The following DSCAM variants were observed in gnomAD, a reference collection of about 807,000 sequenced individuals.
DSCAM encodes the protein DS cell adhesion molecule, also known as cell adhesion molecule DSCAM.
Under a neutral mutation model 217.7 loss-of-function variants are expected in DSCAM, and 47 were observed. That is an observed-to-expected ratio of 0.22 (90% CI 0.17 to 0.28). DSCAM has a LOEUF of 0.28. Ranked by LOEUF, DSCAM falls within the 10% of genes least tolerant of loss-of-function variation. The probability of loss-of-function intolerance (pLI) is 1.00; values close to 1 mark genes in which losing one functional copy is unlikely to be tolerated. For missense variants in DSCAM, 2,080 were observed against 2,618.3 expected (o/e 0.79, Z 4.49); for synonymous variants, 1,056 against 1,015.3 (o/e 1.04, Z -0.76).
chr21:40,362,283 T>A (rs1332942261), intron 4 of DSCAM, among the ~76,000 whole-genome samples: 2 of 152,064 alleles, frequency 1.3e-5, no homozygotes, highest in East Asian at 3.8e-4. Flanking sequence ...ACTTAAAGTA[T>A]AATAATAATA....
intron 1 of DSCAM, among the ~76,000 whole-genome samples, chr21:40,812,181 A>G (rs905600367): frequency 6.6e-6 from 1 of 152,206 alleles, no homozygotes; most frequent in Non-Finnish European, 1.5e-5. Flanking sequence ...AACAGAATTG[A>G]ATCAGAAAAA....
At chr21:40,573,563 C>T (rs1251375549) in intron 3 of DSCAM, among the ~76,000 whole-genome samples, 1 of 151,890 alleles carries the variant, frequency 6.6e-6, no homozygotes, top group Admixed American at 6.6e-5. Flanking sequence ...CTTTAATTCC[C>T]TATTTGAATT....
chr21:40,036,782 A>C (rs1241973932), intron 32 of DSCAM, among the ~76,000 whole-genome samples: 1 of 145,234 alleles, frequency 6.9e-6, no homozygotes, highest in African/African-American at 2.7e-5. Flanking sequence ...ATACTGGCAG[A>C]CCGAATCCAG....
chr21:40,560,675 A>G (rs1221904085), intron 3 of DSCAM, among the ~76,000 whole-genome samples: 7 of 152,342 alleles, frequency 4.6e-5, no homozygotes, highest in Middle Eastern at 3.4e-3. Flanking sequence ...GAACACTCAC[A>G]TTAGCCTACA....
At chr21:40,325,377 G>A (rs1344897402) in intron 8 of DSCAM, among the ~76,000 whole-genome samples, 1 of 152,194 alleles carries the variant, frequency 6.6e-6, no homozygotes, top group African/African-American at 2.4e-5. Flanking sequence ...GAAGCTCAGT[G>A]TGGGTTGAAG....
At chr21:40,090,674 G>A (rs766974136) in intron 21 of DSCAM, among the ~76,000 whole-genome samples, 13 of 151,958 alleles carry the variant, frequency 8.6e-5, no homozygotes, top group African/African-American at 2.2e-4. Context: ...TTGAGAGTCC[G>A]TCCTGCACCT....
At chr21:40,407,784 G>A (rs1040257619) in intron 3 of DSCAM, among the ~76,000 whole-genome samples, 6 of 152,198 alleles carry the variant, frequency 3.9e-5, no homozygotes, top group Admixed American at 2.0e-4. Flanking sequence ...GGGACAAGCT[G>A]CCCTCCAGAA....
At chr21:40,824,773 G>A (rs1285260725) in intron 1 of DSCAM, among the ~76,000 whole-genome samples, 1 of 152,046 alleles carries the variant, frequency 6.6e-6, no homozygotes, top group Admixed American at 6.5e-5. Flanking sequence ...ATAGAATTCT[G>A]TGTCTCTCCC....
intron 32 of DSCAM, among the ~76,000 whole-genome samples, chr21:40,026,990 G>C (rs1015311178): frequency 2.6e-5 from 4 of 152,308 alleles, no homozygotes; most frequent in Admixed American, 6.5e-5. Flanking sequence ...TCTACATTTT[G>C]GCATGATTTT....
intron 3 of DSCAM, among the ~76,000 whole-genome samples, chr21:40,520,152 T>C (rs1321672260): frequency 6.6e-6 from 1 of 152,126 alleles, no homozygotes; most frequent in African/African-American, 2.4e-5. Flanking sequence ...TAGCTTGCAA[T>C]AGTGGAATAA....
At chr21:40,246,470 G>C (rs1255841680) in intron 11 of DSCAM, among the ~76,000 whole-genome samples, 1 of 151,102 alleles carries the variant, frequency 6.6e-6, no homozygotes, top group Non-Finnish European at 1.5e-5. Context: ...GAACCTGGGA[G>C]GTGGAGGCTG....
At chr21:40,722,828 G>GA (rs2090915780) in intron 1 of DSCAM, among the ~76,000 whole-genome samples, 1 of 151,860 alleles carries the variant, frequency 6.6e-6, no homozygotes, top group Non-Finnish European at 1.5e-5. Flanking sequence ...AAAAAAAATA[G>GA]AAAAAATATA....
At chr21:40,574,731 C>T (rs1306219173) in intron 3 of DSCAM, among the ~76,000 whole-genome samples, 4 of 129,518 alleles carry the variant, frequency 3.1e-5, no homozygotes, top group Admixed American at 8.4e-5. Flanking sequence ...TTTTTTGAGA[C>T]GGAGACTTGC....
chr21:40,720,810 C>A (rs916397774), intron 1 of DSCAM, among the ~76,000 whole-genome samples: 4 of 151,990 alleles, frequency 2.6e-5, no homozygotes, highest in Non-Finnish European at 5.9e-5. Context: ...TTAGGGGGAC[C>A]AAGTATGACA....
intron 11 of DSCAM, among the ~76,000 whole-genome samples, chr21:40,259,625 G>A (rs1333401449): frequency 7.9e-6 from 1 of 126,538 alleles, no homozygotes; most frequent in Non-Finnish European, 1.7e-5. Flanking sequence ...TTACTGAATA[G>A]TTCTTAGAGA....
At chr21:40,156,729 T>C (rs905383222) in intron 16 of DSCAM, among the ~76,000 whole-genome samples, 2 of 152,194 alleles carry the variant, frequency 1.3e-5, no homozygotes, top group African/African-American at 4.8e-5. Context: ...GGTAGTGATA[T>C]AGGCAAAGAA....
intron 6 of DSCAM, among the ~76,000 whole-genome samples, chr21:40,344,318 A>C (rs1380428570): frequency 6.6e-6 from 1 of 152,228 alleles, no homozygotes; most frequent in Admixed American, 6.5e-5. Context: ...TTGTTCTTAT[A>C]GATATGTCTC....
intron 3 of DSCAM, among the ~76,000 whole-genome samples, chr21:40,404,991 G>C (rs1439127467): frequency 6.6e-6 from 1 of 152,132 alleles, no homozygotes; most frequent in South Asian, 2.1e-4. Context: ...ATTTGCTTCA[G>C]TACAAAATAT....
In DSCAM at chr21:40,144,441, G is replaced by A; in HGVS notation, c.3259+50C>T. Reference sequence around the variant, plus strand: ...TGGGGGAGCCCCGGGGCAGACCCGAGGGAACCTTTGCGGAGGGAAAAGCCA... The same window carrying A: ...TGGGGGAGCCCCGGGGCAGACCCGAAGGAACCTTTGCGGAGGGAAAAGCCA... On this transcript the variant is annotated intron_variant, in intron 17 of 32. Coordinates refer to ENST00000400454, the MANE Select transcript of DSCAM (RefSeq NM_001389.5). This position sits in a 1 kb window ranked among gnomAD's most constrained non-coding sequence, Gnocchi z 4.8. 1.2e-6 allele frequency: 2 copies of A among 1,606,470 alleles called. No homozygotes were observed. Among genetic ancestry groups the A allele is most frequent in the East Asian group, 2.2e-5 (1 of 44,698 alleles).
Sources: allele counts gnomAD v4.1 joint callset (sites outside exome capture counted in the v4.1 genomes callset), GRCh38; gene constraint gnomAD v4.1.1; non-coding constraint Gnocchi (gnomAD v3.1); transcripts MANE v1.5; gene names NCBI Gene and HGNC (gene_info 2026-07-23, HGNC 2026-07-21).